Variants in AKAP8L observed in about 807,000 individuals in gnomAD.
AKAP8L encodes the protein A-kinase anchoring protein 8 like.
A neutral mutation model predicts 77.5 loss-of-function variants in AKAP8L; 34 were observed. That is an observed-to-expected ratio of 0.44 (90% CI 0.33 to 0.58). AKAP8L has a LOEUF of 0.58. Ranked by LOEUF, AKAP8L falls within the 20% of genes least tolerant of loss-of-function variation. The pLI is 0.02. For missense variants in AKAP8L, 806 were observed against 887.6 expected, an observed-to-expected ratio of 0.91 and a Z score of 1.17; for synonymous variants, 342 against 340.7, an observed-to-expected ratio of 1.00 and a Z score of -0.04.
intron 2 of AKAP8L, among the ~76,000 whole-genome samples, chr19:15,408,827 G>A (rs1214248882): frequency 2.0e-5 from 3 of 149,992 alleles, no homozygotes; most frequent in East Asian, 1.9e-4. Flanking sequence ...AGCTGAGATC[G>A]CGCCACTGCA....
chr19:15,409,125 TAAAG>T (rs1386705406), intron 2 of AKAP8L, among the ~76,000 whole-genome samples: 2 of 152,124 alleles, frequency 1.3e-5, no homozygotes, highest in African/African-American at 4.8e-5. Flanking sequence ...CATCATCTAT[TAAAG>T]AAAAGATTGA....
chr19:15,380,188 G>A lies in AKAP8L; in HGVS notation c.1875C>T (p.Arg625=), dbSNP rs1967369108. The A allele has an allele frequency of 1.1e-5, 16 of 1,506,888 alleles. No homozygotes were observed. Among genetic ancestry groups the A allele is most frequent in the African/African-American group, 5.8e-5 (4 of 69,112 alleles). 93.3% of individuals were successfully genotyped at this position (1,506,888 alleles called of 1,614,324 possible). Residue 625 remains arginine (R), a synonymous_variant, in exon 14 of 14, where the codon CGC becomes CGT. Transcript: ENST00000397410. ...AVPLLGGALQ[R]QIRGIPGLDV... is the part of the protein sequence containing the mutation. ...CGAGGCCCGGGATGCCGCGGATCTGGCGTTGCAGCGCCCCTCCCAGCAAGG... is the reference window on the plus strand; with the variant it reads ...CGAGGCCCGGGATGCCGCGGATCTGACGTTGCAGCGCCCCTCCCAGCAAGG...
Position 15,400,973 on chromosome 19 carries a change from C to T in AKAP8L, c.887G>A (p.Cys296Tyr). ...ATTGTCTGAGTCGCTGTTGTCCGAG[C>T]AGTCCGTGCGGGTGGCTTTGCTATC... ...EPDSKATRTDCSDNSDSDNDE... is the reference protein window; with the variant it reads ...EPDSKATRTDYSDNSDSDNDE... Residue 296 changes from cysteine (C) to tyrosine (Y), a missense_variant, in exon 6 of 14, where the codon TGC becomes TAC. By Grantham distance (194) the Cys-to-Tyr change is radical. This residue lies in a region of AKAP8L where 580 missense variants were observed against 694.1 expected (regional missense o/e 0.84). Coordinates refer to ENST00000397410, the MANE Select transcript of AKAP8L (RefSeq NM_014371.4). 16 of 1,613,998 alleles carry T rather than the reference C, an allele frequency of 9.9e-6. No individual in the cohort carries two copies. The highest frequency in any genetic ancestry group is 1.4e-5 in the Non-Finnish European group (16 of 1,179,886).
Position 15,397,274 on chromosome 19 carries a change from G to T in AKAP8L, c.1412C>A (p.Ala471Asp). The T allele has an allele frequency of 1.2e-6, 2 of 1,613,910 alleles. No individual in the cohort carries two copies. Among genetic ancestry groups the T allele is most frequent in the Non-Finnish European group, 1.7e-6 (2 of 1,179,882 alleles). Residue 471 changes from alanine to aspartate, a missense_variant, in exon 12 of 14, where the codon GCC becomes GAC. Ala to Asp is a moderately radical substitution (Grantham distance 126). Around this residue, in one of 2 missense-constraint regions of AKAP8L, gnomAD observed 580 missense variants for 694.1 expected, o/e 0.84. Coordinates refer to ENST00000397410, the MANE Select transcript of AKAP8L (RefSeq NM_014371.4). The surrounding 1 kb of genome is among the most constrained non-coding windows in gnomAD (Gnocchi z 4.7). ...YRDQDLTQEI[A>D]MEHFVKKVEA... Reference sequence around the variant, plus strand: ...CACCTTCTTCACAAAATGCTCCATGGCAATTTCTGTAGTGGGGAGGAGGGA... The same window carrying T: ...CACCTTCTTCACAAAATGCTCCATGTCAATTTCTGTAGTGGGGAGGAGGGA...
intron 2 of AKAP8L, among the ~76,000 whole-genome samples, chr19:15,405,982 AGG>A (rs1967989039): frequency 6.6e-6 from 1 of 152,098 alleles, no homozygotes; most frequent in Admixed American, 6.6e-5. Context: ...CAGATCCATC[AGG>A]GCTCTGCTTG....
chr19:15,416,371 C>T lies in AKAP8L; in HGVS notation c.13+2540G>A, dbSNP rs1186574831. 4.6e-5 allele frequency among the ~76,000 whole-genome samples: 7 copies of T among 152,176 alleles called. No individual in the cohort carries two copies. In the South Asian group the frequency reaches 6.2e-4, roughly 13 times the overall value. On this transcript the variant is annotated intron_variant, in intron 1 of 13. Coordinates refer to ENST00000397410, the MANE Select transcript of AKAP8L (RefSeq NM_014371.4). ...GACTGAGTGTGACTTCTGGGATTTT[C>T]GCCTTGCTCTTTCTGGGATCATTCA...
intron 12 of AKAP8L, among the ~76,000 whole-genome samples, chr19:15,393,890 C>T (rs1325392363): frequency 7.8e-6 from 1 of 128,264 alleles, no homozygotes; most frequent in African/African-American, 3.1e-5. Context: ...GCAAGAAGAG[C>T]GAATCTCTGT....
intron 6 of AKAP8L, 25 bp downstream of exon 6, chr19:15,400,922 G>A (rs774145918): frequency 3.4e-5 from 55 of 1,613,700 alleles, no homozygotes; most frequent in South Asian, 8.8e-5. Context: ...GGGGGCAGCC[G>A]CCCAGTACCA....
rs956138982 is a variant in AKAP8L at position 15,399,025 on chromosome 19, C to T, written c.1157+277G>A. The T allele has an allele frequency of 1.7e-5, 8 of 468,522 alleles. No homozygotes were observed. The highest frequency in any genetic ancestry group is 1.1e-4 in the South Asian group (5 of 47,030). The allele number at this position is 468,522 out of a possible 1,614,324, so 29.0% of individuals were successfully genotyped here. On this transcript the variant is annotated intron_variant, in intron 9 of 13. Coordinates refer to ENST00000397410, the MANE Select transcript of AKAP8L (RefSeq NM_014371.4). The surrounding 1 kb of genome is among the most constrained non-coding windows in gnomAD (Gnocchi z 6.1). ...CCAGTGCACCTTGGGGTTCGTGCGC[C>T]GAGTGACCTAGCGCCAGAGCTTCTG...
intron 1 of AKAP8L, among the ~76,000 whole-genome samples, chr19:15,415,988 CTT>C (rs1168613531): frequency 6.6e-6 from 1 of 151,854 alleles, no homozygotes; most frequent in Non-Finnish European, 1.5e-5. Flanking sequence ...GCAGAGCTAA[CTT>C]TTTTATTTTT....
At chr19:15,383,233 G>A (rs1458629964) in intron 12 of AKAP8L, 4 of 152,146 alleles carry the variant, frequency 2.6e-5, no homozygotes, top group Admixed American at 2.6e-4. Context: ...TTTAGAGATA[G>A]GAGTCTCACT....
Position 15,380,342 on chromosome 19 carries a change from T to C in AKAP8L, c.1721A>G (p.Glu574Gly), listed in dbSNP as rs1488925397. The C allele has an allele frequency of 1.3e-6, 2 of 1,545,634 alleles. No individual in the cohort carries two copies. Among genetic ancestry groups the C allele is most frequent in the Non-Finnish European group, 1.7e-6 (2 of 1,149,940 alleles). ...TGCGCCCTCCGAGATCCCTGCCGCTTCGCCCTGCGCCCCCTCGTCCAGGGC... is the reference window on the plus strand; with the variant it reads ...TGCGCCCTCCGAGATCCCTGCCGCTCCGCCCTGCGCCCCCTCGTCCAGGGC... ...GGALDEGAQG[E>G]AAGISEGAEG... The change falls in exon 14 of 14, where the codon GAA becomes GGA. Residue 574 changes from glutamate to glycine, a missense_variant. Coordinates refer to ENST00000397410, the MANE Select transcript of AKAP8L (RefSeq NM_014371.4).
At chr19:15,381,624 T>G (rs1214319619) in intron 12 of AKAP8L, among the ~76,000 whole-genome samples, 3 of 152,186 alleles carry the variant, frequency 2.0e-5, no homozygotes, top group African/African-American at 7.2e-5. Flanking sequence ...TCTTCATTTT[T>G]TTTTTTCCTT....
Position 15,403,402 on chromosome 19 carries a change from G to C in AKAP8L, c.362+73C>G. The C allele has an allele frequency of 1.4e-6, 2 of 1,442,636 alleles. No individual in the cohort carries two copies. Among genetic ancestry groups the C allele is most frequent in the Non-Finnish European group, 9.7e-7 (1 of 1,031,504 alleles). The allele number at this position is 1,442,636 out of a possible 1,614,324, so 89.4% of individuals were successfully genotyped here. On this transcript the variant is annotated intron_variant, in intron 4 of 13. Coordinates refer to ENST00000397410, the MANE Select transcript of AKAP8L (RefSeq NM_014371.4). The surrounding 1 kb of genome is among the most constrained non-coding windows in gnomAD (Gnocchi z 4.3). ...AAGCAGACACAGAGGGGCACTCAGA[G>C]AGGAAAACGCAGTGGGCAGCAGGCA... is the stretch of plus-strand genomic sequence containing the variant.
chr19:15,388,434 A>C (rs1473369222), intron 12 of AKAP8L, among the ~76,000 whole-genome samples: 1 of 152,198 alleles, frequency 6.6e-6, no homozygotes, highest in African/African-American at 2.4e-5. Context: ...CAAACATTTT[A>C]AAGTAGCAAT....
chr19:15,408,237 C>T (rs545895573), intron 2 of AKAP8L, among the ~76,000 whole-genome samples: 5 of 152,244 alleles, frequency 3.3e-5, no homozygotes, highest in Admixed American at 6.5e-5. Context: ...ATATGGTCAA[C>T]TGATTTTCAG....
chr19:15,409,632 C>A (rs954318962), intron 2 of AKAP8L, among the ~76,000 whole-genome samples: 2 of 152,170 alleles, frequency 1.3e-5, no homozygotes, highest in African/African-American at 4.8e-5. Context: ...TCAACAGATA[C>A]CCCTAGAGTC....
intron 1 of AKAP8L, among the ~76,000 whole-genome samples, chr19:15,412,497 T>C (rs531826461): frequency 2.6e-5 from 4 of 152,308 alleles, no homozygotes; most frequent in Non-Finnish European, 4.4e-5. Flanking sequence ...ATCCTGACAC[T>C]TGCTTTAAAA....
rs1479193468 is a variant in AKAP8L at position 15,380,059 on chromosome 19, A to G, written c.*63T>C. On this transcript the variant is annotated 3_prime_UTR_variant, in exon 14 of 14. Coordinates refer to ENST00000397410, the MANE Select transcript of AKAP8L (RefSeq NM_014371.4). ...CAGAGAAACCCGGAGGTGGGATGGG[A>G]AAACTTTATTAGGTTTGGTTTCCAG... 3 of 1,220,904 alleles carry G rather than the reference A, an allele frequency of 2.5e-6. No homozygotes were observed. Among genetic ancestry groups the G allele is most frequent in the Non-Finnish European group, 3.1e-6 (3 of 977,650 alleles). The allele number at this position is 1,220,904 out of a possible 1,614,324, so 75.6% of individuals were successfully genotyped here.
Sources: allele counts gnomAD v4.1 joint callset (sites outside exome capture counted in the v4.1 genomes callset), GRCh38; gene constraint gnomAD v4.1.1; regional missense constraint gnomAD v4.1.1; non-coding constraint Gnocchi (gnomAD v3.1); transcripts MANE v1.5; gene names NCBI Gene and HGNC (gene_info 2026-07-23, HGNC 2026-07-21).